SORCS3: variants seen among roughly 807,000 people sequenced by gnomAD.
The protein encoded by SORCS3 is VPS10 domain-containing receptor SorCS3.
In SORCS3, 57 loss-of-function variants were observed where a neutral mutation model predicts 146.3. That is an observed-to-expected ratio of 0.39 (90% CI 0.31 to 0.49). The LOEUF (loss-of-function observed/expected upper bound fraction) is 0.49, where lower values mean the gene tolerates loss of function less well. SORCS3 is among the 20% of genes least tolerant of loss of function. SORCS3 has a pLI of 0.92. For synonymous variants in SORCS3, 653 were observed against 618.5 expected (o/e 1.06, Z -0.83); for missense variants, 1,341 against 1,575.5 (o/e 0.85, Z 2.52).
At chr10:104,805,572 G>C (rs2017671075) in intron 1 of SORCS3, among the ~76,000 whole-genome samples, 1 of 152,140 alleles carries the variant, frequency 6.6e-6, no homozygotes. Context: ...AGGTAGTAGG[G>C]AGAAATGTCA....
At chr10:105,125,854 C>T (rs2055970318) in intron 7 of SORCS3, among the ~76,000 whole-genome samples, 2 of 152,110 alleles carry the variant, frequency 1.3e-5, no homozygotes, top group South Asian at 4.1e-4. Context: ...TTGGACCTCA[C>T]ATCGTGAGTG....
chr10:105,191,910 T>C (rs1010589681), intron 14 of SORCS3, among the ~76,000 whole-genome samples: 7 of 152,296 alleles, frequency 4.6e-5, no homozygotes, highest in Admixed American at 1.3e-4. Flanking sequence ...TATTTCAACA[T>C]GTTGACCATA....
chr10:105,063,246 C>T (rs2055499945), intron 5 of SORCS3, among the ~76,000 whole-genome samples: 2 of 152,156 alleles, frequency 1.3e-5, no homozygotes, highest in Admixed American at 6.5e-5. Flanking sequence ...CTCAGGAAAC[C>T]AGCAGCCATT....
At chr10:104,944,457 T>A (rs1056164006) in intron 3 of SORCS3, among the ~76,000 whole-genome samples, 6 of 152,192 alleles carry the variant, frequency 3.9e-5, no homozygotes, top group Non-Finnish European at 8.8e-5. Context: ...TTGCAGTGTC[T>A]GTATCTGGCA....
chr10:104,785,452 C>T (rs1462127290), intron 1 of SORCS3, among the ~76,000 whole-genome samples: 2 of 141,828 alleles, frequency 1.4e-5, no homozygotes, highest in African/African-American at 2.7e-5. Flanking sequence ...TGCGGAAGGC[C>T]GCAGGGTCCT....
intron 5 of SORCS3, among the ~76,000 whole-genome samples, chr10:105,089,204 C>G (rs2055684305): frequency 6.6e-6 from 1 of 152,190 alleles, no homozygotes; most frequent in Non-Finnish European, 1.5e-5. Context: ...CGTGTCAGAC[C>G]AGATTTTGAA....
chr10:105,219,950 C>T (rs2056689889), intron 19 of SORCS3, among the ~76,000 whole-genome samples: 1 of 152,166 alleles, frequency 6.6e-6, no homozygotes, highest in Admixed American at 6.5e-5. Flanking sequence ...TAATTCCCTC[C>T]AAATCAATCA....
At chr10:104,736,983 A>G (rs979648849) in intron 1 of SORCS3, among the ~76,000 whole-genome samples, 5 of 149,658 alleles carry the variant, frequency 3.3e-5, no homozygotes, top group African/African-American at 1.2e-4. Flanking sequence ...TCCTGTGTCC[A>G]TGTGTTCTCA....
intron 14 of SORCS3, among the ~76,000 whole-genome samples, chr10:105,197,544 G>C (rs143126561): frequency 6.6e-6 from 1 of 152,070 alleles, no homozygotes. Context: ...ACAGGTTATT[G>C]CCTCTTTGGT....
intron 4 of SORCS3, among the ~76,000 whole-genome samples, chr10:104,986,754 A>T (rs2054964396): frequency 6.6e-6 from 1 of 152,198 alleles, no homozygotes; most frequent in Non-Finnish European, 1.5e-5. Flanking sequence ...CAGTAGATGG[A>T]GCATTAGGAC....
intron 1 of SORCS3, among the ~76,000 whole-genome samples, chr10:104,731,108 G>A (rs2016701227): frequency 1.3e-5 from 2 of 152,202 alleles, no homozygotes; most frequent in Admixed American, 1.3e-4. Context: ...CCCAAAGAGA[G>A]CCAGAATCTG....
intron 1 of SORCS3, among the ~76,000 whole-genome samples, chr10:104,673,845 A>G (rs2015884200): frequency 6.6e-6 from 1 of 152,212 alleles, no homozygotes; most frequent in Non-Finnish European, 1.5e-5. Context: ...TTAAATTTAT[A>G]CCAGCCTAAC....
chr10:105,030,885 A>G lies in SORCS3; in HGVS notation c.955-12170A>G, dbSNP rs181770531. On this transcript the variant is annotated intron_variant, in intron 4 of 26. Coordinates refer to ENST00000369701, the MANE Select transcript of SORCS3 (RefSeq NM_014978.3). ...TGGGATTACAGGTGTGAGCCACTGC[A>G]CCTGGCCTGTGGATCCTTTTTACAA... Among the ~76,000 whole-genome samples the G allele has an allele frequency of 4.6e-5, 7 of 151,932 alleles. No individual in the cohort carries two copies. In the East Asian group the frequency reaches 1.2e-3, roughly 26 times the overall value.
chr10:105,035,511 A>G (rs1043276828), intron 4 of SORCS3, among the ~76,000 whole-genome samples: 1 of 149,220 alleles, frequency 6.7e-6, no homozygotes, highest in Admixed American at 6.7e-5. Context: ...TCTGTTGCCC[A>G]GGCTGGAGTG....
intron 3 of SORCS3, among the ~76,000 whole-genome samples, chr10:104,973,006 T>A (rs1328045145): frequency 6.6e-6 from 1 of 152,226 alleles, no homozygotes; most frequent in Non-Finnish European, 1.5e-5. Flanking sequence ...TTTATTGATT[T>A]GCGTATATTG....
chr10:104,650,664 C>T (rs774225610), intron 1 of SORCS3, among the ~76,000 whole-genome samples: 3 of 152,184 alleles, frequency 2.0e-5, no homozygotes, highest in South Asian at 2.1e-4. Context: ...GTGGTTAAGT[C>T]AATAGGTGCT....
At chr10:104,783,020 T>C (rs994258762) in intron 1 of SORCS3, among the ~76,000 whole-genome samples, 2 of 152,244 alleles carry the variant, frequency 1.3e-5, no homozygotes, top group Non-Finnish European at 2.9e-5. Flanking sequence ...TTTCCAGGTC[T>C]CATATTTTAT....
At chr10:104,913,665 T>C (rs1185867465) in intron 2 of SORCS3, among the ~76,000 whole-genome samples, 1 of 152,220 alleles carries the variant, frequency 6.6e-6, no homozygotes, top group Non-Finnish European at 1.5e-5. Flanking sequence ...CTTTTGTTTA[T>C]TTTTTAACAT....
intron 1 of SORCS3, among the ~76,000 whole-genome samples, chr10:104,677,839 C>T (rs1006129671): frequency 6.6e-6 from 1 of 152,118 alleles, no homozygotes; most frequent in African/African-American, 2.4e-5. Context: ...ATCTTCATTC[C>T]TGGAAACATA....
Sources: gnomAD v4.1 joint callset for allele counts (sites outside exome capture counted in the v4.1 genomes callset) on GRCh38, gnomAD v4.1.1 for gene constraint, MANE v1.5 for transcripts, NCBI Gene and HGNC (gene_info 2026-07-23, HGNC 2026-07-21) for gene names.